Variants in ARID1B observed in about 807,000 individuals in gnomAD.
The protein encoded by ARID1B is AT-rich interactive domain-containing protein 1B.
Under a neutral mutation model 212.3 loss-of-function variants are expected in ARID1B, and 30 were observed. The observed-to-expected ratio is 0.14, with a 90% CI of 0.11 to 0.19. The LOEUF is 0.19. Ranked by LOEUF, ARID1B falls within the 10% of genes least tolerant of loss-of-function variation. ARID1B has a pLI of 1.00. For missense variants in ARID1B, 2,891 were observed against 3,204.0 expected (o/e 0.90, Z 2.36); for synonymous variants, 1,402 against 1,301.7 (o/e 1.08, Z -1.66).
At chr6:156,887,776 A>G (rs1562460937) in intron 2 of ARID1B, among the ~76,000 whole-genome samples, 1 of 152,152 alleles carries the variant, frequency 6.6e-6, no homozygotes, top group Non-Finnish European at 1.5e-5. Context: ...AAAAAAGAAG[A>G]AACAATTTCA....
rs1240954937 is a variant in ARID1B, at chr6:157,207,719, A to C, written c.6947A>C (p.Asp2316Ala). 1 of 1,598,612 alleles carries C rather than the reference A, an allele frequency of 6.3e-7. No individual in the cohort carries two copies. The highest frequency in any genetic ancestry group is 8.6e-7 in the Non-Finnish European group (1 of 1,167,430). ...CCGCCCCTGGAACCACCTAGCGTAG[A>C]CATGATGTGCAGGGCGGCCAAGGCT... ...QPPPLEPPSV[D>A]MMCRAAKALL... Residue 2316 changes from aspartate (D) to alanine (A), a missense_variant, in exon 20 of 20, where the codon GAC becomes GCC. Around this residue, in one of 7 missense-constraint regions of ARID1B, gnomAD observed 187 missense variants for 306.5 expected, o/e 0.61. Transcript: ENST00000636930. The surrounding 1 kb of genome is among the most constrained non-coding windows in gnomAD (Gnocchi z 8.5).
intron 2 of ARID1B, among the ~76,000 whole-genome samples, chr6:156,898,555 G>A (rs1035027963): frequency 6.6e-6 from 1 of 152,202 alleles, no homozygotes; most frequent in African/African-American, 2.4e-5. Flanking sequence ...TGTCCTTTGG[G>A]GCAGGCTGTT....
In ARID1B at chr6:156,955,677, G is replaced by A. The variant is rs1424753440; in HGVS notation, c.2247+20101G>A. ...TCAGCTCCTTCCCTGTGTCCAGGAG[G>A]AACAGCCAAGATAAACATCAAGAAA... On this transcript the variant is annotated intron_variant, in intron 4 of 19. Coordinates refer to ENST00000636930, the MANE Select transcript of ARID1B (RefSeq NM_001374828.1). This position sits in a 1 kb window ranked among gnomAD's most constrained non-coding sequence, Gnocchi z 4.2. Among the ~76,000 whole-genome samples, 3 of 152,232 alleles carry A rather than the reference G, an allele frequency of 2.0e-5. No individual in the cohort carries two copies. The highest frequency in any genetic ancestry group is 7.2e-5 in the African/African-American group (3 of 41,530).
intron 6 of ARID1B, among the ~76,000 whole-genome samples, chr6:157,112,960 T>G (rs1787036521): frequency 6.6e-6 from 1 of 151,928 alleles, no homozygotes; most frequent in Non-Finnish European, 1.5e-5. Context: ...TCACTCTTGT[T>G]GCCCAGGCTG....
intron 1 of ARID1B, among the ~76,000 whole-genome samples, chr6:156,810,936 C>T (rs1427563983): frequency 6.6e-6 from 1 of 152,126 alleles, no homozygotes. Flanking sequence ...GGTTAGGAGT[C>T]CAGGCATGGC....
chr6:157,132,874 C>T (rs1355027172), intron 6 of ARID1B, among the ~76,000 whole-genome samples, 154 bp from the exon 7 acceptor site: 1 of 152,212 alleles, frequency 6.6e-6, no homozygotes, highest in African/African-American at 2.4e-5. Flanking sequence ...AGACCGTCCA[C>T]GCTGAACTGA....
chr6:157,119,302 C>T (rs12660478), intron 6 of ARID1B, among the ~76,000 whole-genome samples: 29,416 of 152,102 alleles, frequency 0.19, 3,939 homozygotes, highest in East Asian at 0.58. Flanking sequence ...CTCCTCAGAC[C>T]GGTGAGAGCA....
intron 6 of ARID1B, among the ~76,000 whole-genome samples, chr6:157,118,450 T>G (rs1339942390): frequency 6.6e-6 from 1 of 152,236 alleles, no homozygotes; most frequent in Non-Finnish European, 1.5e-5. Flanking sequence ...ATCACCCCGG[T>G]AGGGCATCAG....
At chr6:157,039,802 T>TTC (rs530119764) in intron 4 of ARID1B, among the ~76,000 whole-genome samples, 1 of 141,200 alleles carries the variant, frequency 7.1e-6, no homozygotes. Context: ...CCTTCTTTCT[T>TTC]TCTCTTTCTT....
intron 1 of ARID1B, among the ~76,000 whole-genome samples, chr6:156,819,164 T>C (rs1782184259): frequency 6.6e-6 from 1 of 152,202 alleles, no homozygotes; most frequent in Admixed American, 6.5e-5. Flanking sequence ...GAATCTGTAT[T>C]TGTATGGGAA....
At chr6:157,105,229 G>T (rs926871746) in intron 5 of ARID1B, among the ~76,000 whole-genome samples, 4 of 152,132 alleles carry the variant, frequency 2.6e-5, no homozygotes, top group Admixed American at 6.5e-5. Flanking sequence ...GAAAACTAGG[G>T]TGAATTCCTC....
At chr6:156,897,218 G>GCTTCTTCTT (rs796265973) in intron 2 of ARID1B, among the ~76,000 whole-genome samples, 966 of 91,174 alleles carry the variant, frequency 0.011, 19 homozygotes, top group East Asian at 0.036. Flanking sequence ...TGCTGCTGCT[G>GCTTCTTCTT]CTTCTTCTTC....
At chr6:157,071,912 C>T (rs1025905828) in intron 4 of ARID1B, 7 of 152,054 alleles carry the variant, frequency 4.6e-5, no homozygotes, top group Non-Finnish European at 8.8e-5. Context: ...TGCTTTTTCC[C>T]ACTTACCCAA....
At chr6:156,908,874 T>G (rs976896805) in intron 3 of ARID1B, among the ~76,000 whole-genome samples, 1 of 152,136 alleles carries the variant, frequency 6.6e-6, no homozygotes. Flanking sequence ...TGTTTTGTGT[T>G]TGATTTTGTG....
chr6:156,902,684 C>T (rs1341364934), intron 3 of ARID1B, among the ~76,000 whole-genome samples: 3 of 135,810 alleles, frequency 2.2e-5, no homozygotes, highest in Non-Finnish European at 4.6e-5. Context: ...TTGCAGTGAG[C>T]GGAGACCACA....
intron 4 of ARID1B, chr6:156,940,571 A>G (rs1353362458): frequency 6.6e-6 from 1 of 152,222 alleles, no homozygotes; most frequent in Non-Finnish European, 1.5e-5. Flanking sequence ...TTTATTACCA[A>G]GAATATTCTT....
intron 6 of ARID1B, among the ~76,000 whole-genome samples, chr6:157,114,720 T>C (rs925217258): frequency 6.6e-6 from 1 of 152,096 alleles, no homozygotes; most frequent in African/African-American, 2.4e-5. Flanking sequence ...CTTTCTTTAA[T>C]GTACCCACAG....
At chr6:157,163,701 C>T (rs1350014356) in intron 8 of ARID1B, among the ~76,000 whole-genome samples, 2 of 152,202 alleles carry the variant, frequency 1.3e-5, no homozygotes, top group African/African-American at 2.4e-5. Flanking sequence ...CTCACTGTGG[C>T]CAGCTCCCTG....
intron 1 of ARID1B, among the ~76,000 whole-genome samples, chr6:156,786,557 A>C (rs1779644330): frequency 6.6e-6 from 1 of 152,208 alleles, no homozygotes; most frequent in African/African-American, 2.4e-5. Context: ...TTGTAAGATC[A>C]GTTATGTACT....
Sources: allele counts gnomAD v4.1 joint callset (sites outside exome capture counted in the v4.1 genomes callset), GRCh38; gene constraint gnomAD v4.1.1; regional missense constraint gnomAD v4.1.1; non-coding constraint Gnocchi (gnomAD v3.1); transcripts MANE v1.5; gene names NCBI Gene and HGNC (gene_info 2026-07-23, HGNC 2026-07-21).